Variants in LPCAT1 observed in about 807,000 individuals in gnomAD.
LPCAT1 encodes 1-acylglycerol-3-phosphate O-acyltransferase.
A neutral mutation model predicts 60.9 loss-of-function variants in LPCAT1; 23 were observed. The observed-to-expected ratio is 0.38, with a 90% CI of 0.27 to 0.53. The LOEUF (loss-of-function observed/expected upper bound fraction) is 0.53, where lower values mean the gene tolerates loss of function less well. Among genes scored for constraint, LPCAT1 ranks in the 20% least tolerant of loss-of-function variants. The pLI is 0.82. For missense variants in LPCAT1, 622 were observed against 723.6 expected (o/e 0.86, Z 1.61); for synonymous variants, 340 against 301.1 (o/e 1.13, Z -1.34).
chr5:1,470,883 G>A lies in LPCAT1; in HGVS notation c.1221C>T (p.Ala407=), dbSNP rs1734642329. The A allele has an allele frequency of 1.2e-6, 2 of 1,613,384 alleles. No individual in the cohort carries two copies. Among genetic ancestry groups the A allele is most frequent in the Admixed American group, 3.3e-5 (2 of 59,992 alleles). Residue 407 remains alanine, a synonymous_variant, in exon 12 of 14, where the codon GCC becomes GCT. Coordinates refer to ENST00000283415, the MANE Select transcript of LPCAT1 (RefSeq NM_024830.5). The part of the protein sequence containing the change: ...GEVDLRECVV[A]LSVVCRPART... ...GGGCCGGCCGGCAGACGACAGACAG[G>A]GCAACCACACACTCTCGCAGGTCCA...
At chr5:1,511,027 C>T (rs988427954) in intron 1 of LPCAT1, among the ~76,000 whole-genome samples, 8 of 152,208 alleles carry the variant, frequency 5.3e-5, no homozygotes, top group South Asian at 2.1e-4. Flanking sequence ...CTTCCTCCTG[C>T]GGGGCGTCCC....
rs1304312466 is a variant in LPCAT1, at chr5:1,462,622, C to T, written c.*1029G>A. 6 of 152,508 alleles carry T rather than the reference C, an allele frequency of 3.9e-5. No homozygotes were observed. Among genetic ancestry groups the T allele is most frequent in the African/African-American group, 1.4e-4 (6 of 41,572 alleles). The allele number at this position is 152,508 out of a possible 1,614,324, so 9.4% of individuals were successfully genotyped here. ...CCATACTCGGGTGGCAGCGTGACGC[C>T]AGTCACCATGGAAACCAGGGCTGAC... On this transcript the variant is annotated 3_prime_UTR_variant, in exon 14 of 14. Coordinates refer to ENST00000283415, the MANE Select transcript of LPCAT1 (RefSeq NM_024830.5).
chr5:1,515,101 CAAGA>C (rs1156972114), intron 1 of LPCAT1, among the ~76,000 whole-genome samples: 1 of 150,788 alleles, frequency 6.6e-6, no homozygotes, highest in Non-Finnish European at 1.5e-5. Flanking sequence ...GATCCTGCTA[CAAGA>C]AAGAGTCCCC....
rs904518447 is a variant in LPCAT1, at chr5:1,523,419, G to T, written c.135+291C>A. ...CCCGGTTCAGGGTGCAGGGGTCTGG[G>T]GGGAGGAGCAGAACGCGGGGCGGGG... On this transcript the variant is annotated intron_variant, in intron 1 of 13. Coordinates refer to ENST00000283415, the MANE Select transcript of LPCAT1 (RefSeq NM_024830.5). The surrounding 1 kb of genome is among the most constrained non-coding windows in gnomAD (Gnocchi z 7.1). 1.3e-5 allele frequency among the ~76,000 whole-genome samples: 2 copies of T among 151,790 alleles called. No homozygotes were observed. The highest frequency in any genetic ancestry group is 4.8e-5 in the African/African-American group (2 of 41,388).
chr5:1,504,544 A>G (rs920779630), intron 1 of LPCAT1, among the ~76,000 whole-genome samples: 1 of 152,144 alleles, frequency 6.6e-6, no homozygotes, highest in Non-Finnish European at 1.5e-5. Context: ...TGGAGAACCC[A>G]TCTCTACTAA....
intron 1 of LPCAT1, among the ~76,000 whole-genome samples, chr5:1,503,119 G>A (rs772248381): frequency 1.3e-5 from 2 of 152,116 alleles, no homozygotes; most frequent in Non-Finnish European, 2.9e-5. Flanking sequence ...TGTTGGGTAC[G>A]CAGATCTAGA....
intron 13 of LPCAT1, among the ~76,000 whole-genome samples, chr5:1,465,065 G>A (rs568418000): frequency 1.1e-4 from 14 of 125,278 alleles, no homozygotes; most frequent in East Asian, 2.5e-4. Context: ...ACAAGTGCAC[G>A]CACACACACG....
Position 1,463,377 on chromosome 5 carries a change from G to GC in LPCAT1, c.*273dup, listed in dbSNP as rs534296640. The GC allele has an allele frequency of 6.4e-4, 287 of 447,994 alleles. 2 individuals carry two copies. The East Asian group carries it at 0.01, about 16-fold the overall frequency. 27.8% of individuals were successfully genotyped at this position (447,994 alleles called of 1,614,324 possible). ...TGGGAGAACACGGGGCGGCACCGGT[G>GC]CCCCCCGCCCGGCAGGGAACCTGAC... On this transcript the variant is annotated 3_prime_UTR_variant, in exon 14 of 14. Coordinates refer to ENST00000283415, the MANE Select transcript of LPCAT1 (RefSeq NM_024830.5).
At chr5:1,468,310 A>G (rs907211635) in intron 12 of LPCAT1, among the ~76,000 whole-genome samples, 3 of 152,172 alleles carry the variant, frequency 2.0e-5, no homozygotes, top group Admixed American at 6.5e-5. Context: ...GATTTGCTGA[A>G]TCAAACATCT....
chr5:1,486,274 C>T (rs1735366774), intron 5 of LPCAT1, among the ~76,000 whole-genome samples: 2 of 152,220 alleles, frequency 1.3e-5, no homozygotes, highest in African/African-American at 4.8e-5. Context: ...TCACCCCCAC[C>T]TCAGAGGCGG....
chr5:1,506,329 C>G (rs965674232), intron 1 of LPCAT1, among the ~76,000 whole-genome samples: 31 of 152,218 alleles, frequency 2.0e-4, no homozygotes, highest in Admixed American at 1.8e-3. Context: ...CAGGCTCGGC[C>G]CGCCCACAGG....
At chr5:1,484,589 C>T (rs1735300459) in intron 5 of LPCAT1, among the ~76,000 whole-genome samples, 1 of 152,160 alleles carries the variant, frequency 6.6e-6, no homozygotes, top group Admixed American at 6.5e-5. Context: ...CGGGATTCTG[C>T]ACAATTCTGG....
chr5:1,519,844 C>T (rs1736617707), intron 1 of LPCAT1, among the ~76,000 whole-genome samples: 1 of 152,232 alleles, frequency 6.6e-6, no homozygotes, highest in Non-Finnish European at 1.5e-5. Flanking sequence ...AGACAGCAGG[C>T]CCTGTACAGC....
At position 1,477,479 on chromosome 5, in the gene LPCAT1, G is replaced by A; in HGVS notation, c.824C>T (p.Pro275Leu). ...FHNQVEIEFL[P>L]VYSPSEEEKR... ...CTCCTCCTCAGAAGGGCTGTACACA[G>A]GAAGGAACTGAGCACACAGAGAAGC... Residue 275 changes from proline to leucine, a missense_variant, in exon 9 of 14, where the codon CCT becomes CTT. By Grantham distance (98) the Pro-to-Leu change is moderately conservative (BLOSUM62 -3). Around this residue, in one of 3 missense-constraint regions of LPCAT1, gnomAD observed 209 missense variants for 325.5 expected, o/e 0.64. Coordinates refer to ENST00000283415, the MANE Select transcript of LPCAT1 (RefSeq NM_024830.5). This position sits in a 1 kb window ranked among gnomAD's most constrained non-coding sequence, Gnocchi z 6.0. 6.2e-7 allele frequency: 1 copy of A among 1,613,138 alleles called. No homozygotes were observed. Among genetic ancestry groups the A allele is most frequent in the Non-Finnish European group, 8.5e-7 (1 of 1,179,332 alleles).
intron 1 of LPCAT1, among the ~76,000 whole-genome samples, chr5:1,508,382 T>C (rs917876734): frequency 2.6e-5 from 4 of 152,130 alleles, no homozygotes; most frequent in Non-Finnish European, 4.4e-5. Context: ...GAGAAGGGGC[T>C]GTTAGAGAGG....
Position 1,523,743 on chromosome 5 carries a change from G to A in LPCAT1, c.102C>T (p.His34=). The A allele has an allele frequency of 8.5e-7, 1 of 1,176,270 alleles. No homozygotes were observed. Among genetic ancestry groups the A allele is most frequent in the Non-Finnish European group, 1.1e-6 (1 of 944,992 alleles). The allele number at this position is 1,176,270 out of a possible 1,614,324, so 72.9% of individuals were successfully genotyped here. The change falls in exon 1 of 14, where the codon CAC becomes CAT. Residue 34 remains histidine, a synonymous_variant. Transcript: ENST00000283415. The surrounding 1 kb of genome is among the most constrained non-coding windows in gnomAD (Gnocchi z 7.1). ...TCTGCAGGGCGCTGAGGCGCAGCTC[G>A]TGCACGAAGGGGTTCCGCCCCGGGG... is the stretch of plus-strand genomic sequence containing the variant. The part of the protein sequence containing the change: ...LAPPGRNPFV[H]ELRLSALQKA...
chr5:1,484,031 A>T (rs372691565), intron 5 of LPCAT1, among the ~76,000 whole-genome samples: 1 of 152,348 alleles, frequency 6.6e-6, no homozygotes, highest in South Asian at 2.1e-4. Flanking sequence ...CTCACCAAGC[A>T]CATACACCTG....
At chr5:1,467,956 G>C (rs1405358858) in intron 12 of LPCAT1, among the ~76,000 whole-genome samples, 1 of 152,154 alleles carries the variant, frequency 6.6e-6, no homozygotes, top group East Asian at 1.9e-4. Context: ...TCCTGCTGCA[G>C]CGCGCTGTGA....
At chr5:1,472,035 G>C (rs548070746) in intron 11 of LPCAT1, among the ~76,000 whole-genome samples, 2 of 151,884 alleles carry the variant, frequency 1.3e-5, no homozygotes, top group African/African-American at 4.8e-5. Context: ...GCTCTGGTCA[G>C]AGAGCAGGAG....
Sources: allele counts gnomAD v4.1 joint callset (sites outside exome capture counted in the v4.1 genomes callset), GRCh38; gene constraint gnomAD v4.1.1; regional missense constraint gnomAD v4.1.1; non-coding constraint Gnocchi (gnomAD v3.1); transcripts MANE v1.5; gene names NCBI Gene and HGNC (gene_info 2026-07-23, HGNC 2026-07-21).